The following RAP1GAP2 variants were observed in gnomAD, a reference collection of about 807,000 sequenced individuals.
RAP1GAP2 encodes RAP1 GTPase activating protein 2, also known as rap1 GTPase-activating protein 2.
RAP1GAP2 carries 27 observed loss-of-function variants against 95.0 expected under a neutral mutation model. The observed-to-expected ratio is 0.28, with a 90% CI of 0.21 to 0.39. RAP1GAP2 has a LOEUF of 0.39. Among genes scored for constraint, RAP1GAP2 ranks in the 10% least tolerant of loss-of-function variants. The pLI is 1.00. For synonymous variants in RAP1GAP2, 373 were observed against 380.9 expected, an observed-to-expected ratio of 0.98 and a Z score of 0.24; for missense variants, 771 against 970.0, an observed-to-expected ratio of 0.79 and a Z score of 2.72.
chr17:2,825,154 G>A lies in RAP1GAP2; in HGVS notation c.80+24604G>A, dbSNP rs1430942214. On this transcript the variant is annotated intron_variant, in intron 2 of 24. Coordinates refer to ENST00000254695, the MANE Select transcript of RAP1GAP2 (RefSeq NM_015085.5). The surrounding 1 kb of genome is among the most constrained non-coding windows in gnomAD (Gnocchi z 4.1). ...TTGCTATGCTGTCCAGGCTGGTCTT[G>A]AACTCCTGGCCTCAAGTGATCCTCC... Among the ~76,000 whole-genome samples, 1 of 152,084 alleles carries A rather than the reference G, an allele frequency of 6.6e-6. No individual in the cohort carries two copies.
At chr17:2,770,356 C>G (rs1378490556) in exon 2 of RAP1GAP2, 1 of 398,590 alleles carries the variant, frequency 2.5e-6, no homozygotes, top group Non-Finnish European at 4.4e-6. Flanking sequence ...GGTTCCGAAT[C>G]GAGGAGAGGA....
chr17:2,765,809 A>G (rs1053082725), intron 1 of RAP1GAP2, among the ~76,000 whole-genome samples: 5 of 151,684 alleles, frequency 3.3e-5, no homozygotes, highest in African/African-American at 1.2e-4. Flanking sequence ...TCTACTAAAA[A>G]TACAAAAAAA....
In RAP1GAP2 at chr17:3,018,217, CG is replaced by C; in HGVS notation, c.1632+23del. On this transcript the variant is annotated intron_variant, in intron 18 of 24. Coordinates refer to ENST00000254695, the MANE Select transcript of RAP1GAP2 (RefSeq NM_015085.5). ...CTTCTCGGTGAGTGCTGGCAGGCCC[CG>C]GGGCGGCAAGTGGGTCCCAGGGAGG... 2 of 1,545,358 alleles carry C rather than the reference CG, an allele frequency of 1.3e-6. No homozygotes were observed. Among genetic ancestry groups the C allele is most frequent in the Non-Finnish European group, 8.7e-7 (1 of 1,147,176 alleles).
intron 3 of RAP1GAP2, among the ~76,000 whole-genome samples, chr17:2,945,785 CTTTA>C (rs1010573988): frequency 2.7e-5 from 4 of 146,972 alleles, no homozygotes; most frequent in African/African-American, 1.0e-4. Flanking sequence ...CTTTTTTTTT[CTTTA>C]TTTTATTATT....
intron 2 of RAP1GAP2, among the ~76,000 whole-genome samples, chr17:2,822,249 C>T (rs1441061237): frequency 3.9e-5 from 6 of 152,204 alleles, no homozygotes; most frequent in African/African-American, 1.4e-4. Flanking sequence ...TTCACACATA[C>T]AGCCTCATTC....
At chr17:2,809,014 G>A (rs959191340) in intron 2 of RAP1GAP2, among the ~76,000 whole-genome samples, 2 of 152,202 alleles carry the variant, frequency 1.3e-5, no homozygotes, top group Non-Finnish European at 2.9e-5. Context: ...GCGCTTAGCC[G>A]GTGGTTGGCT....
intron 2 of RAP1GAP2, among the ~76,000 whole-genome samples, chr17:2,804,907 TC>T (rs1365754354): frequency 2.0e-5 from 3 of 152,224 alleles, no homozygotes; most frequent in African/African-American, 7.2e-5. Context: ...TCCAGCCTTC[TC>T]TCTTCCAGCC....
At chr17:2,837,639 C>T (rs1301618726) in intron 2 of RAP1GAP2, among the ~76,000 whole-genome samples, 3 of 137,488 alleles carry the variant, frequency 2.2e-5, no homozygotes, top group Non-Finnish European at 4.6e-5. Context: ...TGGAGTCTCA[C>T]TCAGTTGCCC....
rs897846578 is a variant in RAP1GAP2 at position 3,033,769 on chromosome 17, C to T, written c.*408C>T. On this transcript the variant is annotated 3_prime_UTR_variant, in exon 25 of 25. Transcript: ENST00000254695. The surrounding 1 kb of genome is among the most constrained non-coding windows in gnomAD (Gnocchi z 4.9). ...AGAGTAGGGGGTGGGAGCAGAGCCTCGGTGAGGGTCTTGGCCACAGGGCAG... is the reference window on the plus strand; with the variant it reads ...AGAGTAGGGGGTGGGAGCAGAGCCTTGGTGAGGGTCTTGGCCACAGGGCAG... The T allele has an allele frequency of 6.6e-6, 1 of 152,224 alleles. No homozygotes were observed. The highest frequency in any genetic ancestry group is 6.5e-5 in the Admixed American group (1 of 15,282). 9.4% of individuals were successfully genotyped at this position (152,224 alleles called of 1,614,324 possible).
intron 3 of RAP1GAP2, among the ~76,000 whole-genome samples, chr17:2,915,565 G>A (rs1355310953): frequency 6.6e-6 from 1 of 152,190 alleles, no homozygotes; most frequent in African/African-American, 2.4e-5. Context: ...TCTTTAATGA[G>A]CAGAAGTTTT....
Position 2,761,294 on chromosome 17 carries a change from T to C in RAP1GAP2, c.50+5527T>C, listed in dbSNP as rs1463901544. Among the ~76,000 whole-genome samples, 5 of 147,078 alleles carry C rather than the reference T, an allele frequency of 3.4e-5. No homozygotes were observed. In the East Asian group the frequency reaches 6.0e-4, roughly 18 times the overall value. ...TTCTCTTTTTGGTCTTTTTTCTTTT[T>C]TTTTTTTTTTTGAGACGGAGTTTCA... On this transcript the variant is annotated intron_variant, in intron 1 of 25. Coordinates refer to the RAP1GAP2 transcript ENST00000637138.
At chr17:2,785,569 G>C (rs1275439151) in intron 1 of RAP1GAP2, among the ~76,000 whole-genome samples, 7 of 152,246 alleles carry the variant, frequency 4.6e-5, no homozygotes, top group Non-Finnish European at 2.9e-5. Context: ...TTTTTGTTCT[G>C]TTAGCTGATG....
At chr17:2,931,400 C>T (rs1034303721) in intron 3 of RAP1GAP2, among the ~76,000 whole-genome samples, 6 of 151,816 alleles carry the variant, frequency 4.0e-5, no homozygotes, top group Non-Finnish European at 5.9e-5. Context: ...TATTGTGGGA[C>T]GCCACGTTGG....
In RAP1GAP2 at chr17:2,981,200, C is replaced by T; in HGVS notation, c.681C>T (p.Phe227=). The change falls in exon 10 of 25, where the codon TTC becomes TTT. Residue 227 remains phenylalanine (F), a synonymous_variant. Coordinates refer to ENST00000254695, the MANE Select transcript of RAP1GAP2 (RefSeq NM_015085.5). ...LPSVPQIAKA[F]CDDAVGLRFN... is the part of the protein sequence containing the mutation. ...GTCTTCTTCTCCCTTCTCAGGCTTT[C>T]TGTGATGATGCAGTGGGACTGAGAT... is the stretch of plus-strand genomic sequence containing the variant. 2 of 1,612,628 alleles carry T rather than the reference C, an allele frequency of 1.2e-6. No homozygotes were observed. The highest frequency in any genetic ancestry group is 3.3e-4 in the Middle Eastern group (2 of 6,062).
intron 1 of RAP1GAP2, among the ~76,000 whole-genome samples, chr17:2,762,181 G>T (rs2071266149): frequency 6.6e-6 from 1 of 151,068 alleles, no homozygotes; most frequent in South Asian, 2.1e-4. Context: ...TAGAGACGGG[G>T]TTTCACCGTG....
At chr17:2,925,284 C>T (rs577000725) in intron 3 of RAP1GAP2, among the ~76,000 whole-genome samples, 7 of 152,248 alleles carry the variant, frequency 4.6e-5, no homozygotes, top group African/African-American at 7.2e-5. Context: ...AATACTTCAT[C>T]GCAGTATAAA....
At chr17:3,030,650 CA>C (rs1355811388) in intron 22 of RAP1GAP2, among the ~76,000 whole-genome samples, 1 of 152,190 alleles carries the variant, frequency 6.6e-6, no homozygotes, top group Non-Finnish European at 1.5e-5. Flanking sequence ...TGACGAATTT[CA>C]AGTATTTATT....
intron 12 of RAP1GAP2, 85 bp downstream of exon 12, chr17:2,991,482 G>C: frequency 9.6e-7 from 1 of 1,038,932 alleles, no homozygotes; most frequent in South Asian, 1.4e-5. Flanking sequence ...CAGGGAGCAC[G>C]TGTGAGTTAA....
chr17:2,877,169 G>T (rs562248282), intron 2 of RAP1GAP2, among the ~76,000 whole-genome samples: 2 of 152,086 alleles, frequency 1.3e-5, no homozygotes, highest in Non-Finnish European at 2.9e-5. Flanking sequence ...AATTACAGGC[G>T]TGAGCCACTG....
Sources: gnomAD v4.1 joint callset for allele counts (sites outside exome capture counted in the v4.1 genomes callset) on GRCh38, gnomAD v4.1.1 for gene constraint, Gnocchi (gnomAD v3.1) non-coding constraint, MANE v1.5 for transcripts, NCBI Gene and HGNC (gene_info 2026-07-23, HGNC 2026-07-21) for gene names.